PYY: variants seen among roughly 807,000 people sequenced by gnomAD.
The protein encoded by PYY is peptide tyrosine tyrosine.
A neutral mutation model predicts 10.3 loss-of-function variants in PYY; 12 were observed. That is an observed-to-expected ratio of 1.17 (90% confidence interval 0.75 to 1.89). The LOEUF (loss-of-function observed/expected upper bound fraction) is 1.89, where lower values mean the gene tolerates loss of function less well. Ranked by LOEUF, PYY falls within the 40% of genes most tolerant of loss-of-function variation. The pLI, the probability that PYY is intolerant of heterozygous loss-of-function variation, is 0.00. For synonymous variants in PYY, 66 were observed against 62.0 expected, an observed-to-expected ratio of 1.06 and a Z score of -0.30; for missense variants, 141 against 134.0, an observed-to-expected ratio of 1.05 and a Z score of -0.26.
At position 43,952,954 on chromosome 17, in the gene PYY, C is replaced by A; in HGVS notation, c.*2G>T. ...AGATCTCCCAGGAGGCCTCAGGGGT[C>A]CTCACCACAGGTCTGGGCCCTCCGA... On this transcript the variant is annotated 3_prime_UTR_variant, in exon 4 of 4. Coordinates refer to ENST00000692052, the MANE Select transcript of PYY (RefSeq NM_001394028.1). 1 of 1,548,994 alleles carries A rather than the reference C, an allele frequency of 6.5e-7. No individual in the cohort carries two copies. Among genetic ancestry groups the A allele is most frequent in the Non-Finnish European group, 8.7e-7 (1 of 1,150,210 alleles).
At chr17:43,953,030 G>A in intron 3 of PYY, 50 bp from the exon 4 acceptor site, 1 of 1,586,772 alleles carries the variant, frequency 6.3e-7, no homozygotes. Flanking sequence ...GAGCCTGGGA[G>A]ACGTCGTTAA....
intron 1 of PYY, among the ~76,000 whole-genome samples, chr17:43,973,020 G>A (rs1428224680): frequency 6.6e-6 from 1 of 151,804 alleles, no homozygotes; most frequent in East Asian, 1.9e-4. Flanking sequence ...GCCTATTTTT[G>A]TTGAGACACG....
chr17:43,967,028 C>T (rs1018154053), intron 1 of PYY, among the ~76,000 whole-genome samples: 7 of 152,216 alleles, frequency 4.6e-5, no homozygotes, highest in Admixed American at 2.6e-4. Context: ...AAAGGCCAGA[C>T]GCGGTGGCTC....
rs113707875 is a variant in PYY at position 44,003,603 on chromosome 17, C to T, written c.-463+788G>A. Among the ~76,000 whole-genome samples, 151 of 141,344 alleles carry T rather than the reference C, an allele frequency of 1.1e-3. 1 individual carries two copies. Among genetic ancestry groups the T allele is most frequent in the South Asian group, 1.8e-3 (8 of 4,538 alleles). 92.7% of individuals were successfully genotyped at this position (141,344 alleles called of 152,430 possible). On this transcript the variant is annotated intron_variant, in intron 1 of 6. Transcript: ENST00000360085. ...CCAGAAGGCGGGGATTACAGTGAGC[C>T]GAGATCGCAACACTGCACTCCAGCC...
chr17:43,953,219 A>G, intron 2 of PYY, 30 bp from the exon 3 acceptor site: 1 of 1,610,932 alleles, frequency 6.2e-7, no homozygotes, highest in Non-Finnish European at 8.5e-7. Context: ...GAGCGTGGTC[A>G]GATCTGGCCA....
At chr17:43,963,627 AG>A (rs1384109547) in intron 2 of PYY, among the ~76,000 whole-genome samples, 2 of 21,412 alleles carry the variant, frequency 9.3e-5, no homozygotes, top group South Asian at 4.9e-3. Flanking sequence ...AGAAAGAAAG[AG>A]AAAGAAAGAA....
At position 43,989,325 on chromosome 17, in the gene PYY, G is replaced by C. The variant is rs528235064; in HGVS notation, c.-463+15066C>G. Reference sequence around the variant, plus strand: ...GGAGGCAGAGCTTGCAGTGAGCTGAGATCATGCCACTGCACTCCAGCCTGG... The same window carrying C: ...GGAGGCAGAGCTTGCAGTGAGCTGACATCATGCCACTGCACTCCAGCCTGG... On this transcript the variant is annotated intron_variant, in intron 1 of 6. Coordinates refer to the PYY transcript ENST00000360085. 1.5e-4 allele frequency among the ~76,000 whole-genome samples: 22 copies of C among 151,340 alleles called. No homozygotes were observed. In the South Asian group the frequency reaches 3.7e-3, roughly 26 times the overall value.
chr17:43,965,688 T>C (rs1210840457), intron 2 of PYY, among the ~76,000 whole-genome samples: 3 of 132,850 alleles, frequency 2.3e-5, no homozygotes, highest in Admixed American at 8.4e-5. Context: ...CTTGGAAGGT[T>C]GAGACAGGAA....
At chr17:43,975,368 A>G (rs2048821481) in intron 1 of PYY, among the ~76,000 whole-genome samples, 1 of 151,908 alleles carries the variant, frequency 6.6e-6, no homozygotes, top group African/African-American at 2.4e-5. Flanking sequence ...GCCTCACTGT[A>G]AAAAGAGAAT....
chr17:43,998,356 G>A (rs12940534), intron 1 of PYY, among the ~76,000 whole-genome samples: 7,744 of 151,832 alleles, frequency 0.051, 249 homozygotes, highest in East Asian at 0.091. Flanking sequence ...TCAAGAGTTC[G>A]AGACCAGCCT....
chr17:43,964,253 T>C (rs2048739249), intron 2 of PYY, among the ~76,000 whole-genome samples: 1 of 152,198 alleles, frequency 6.6e-6, no homozygotes, highest in African/African-American at 2.4e-5. Flanking sequence ...TTTCTTGGGC[T>C]AAAGCAATCC....
chr17:43,974,741 T>C (rs2143924889), intron 1 of PYY, among the ~76,000 whole-genome samples: 1 of 152,306 alleles, frequency 6.6e-6, no homozygotes, highest in South Asian at 2.1e-4. Context: ...GGTCCTAACA[T>C]TGTATTCTAA....
intron 1 of PYY, among the ~76,000 whole-genome samples, chr17:43,978,889 C>T (rs529469329): frequency 6.6e-6 from 1 of 152,188 alleles, no homozygotes; most frequent in African/African-American, 2.4e-5. Context: ...AGGCATTGGT[C>T]GGTCTAACCC....
At chr17:43,964,743 C>T (rs1380754792) in intron 2 of PYY, among the ~76,000 whole-genome samples, 1 of 151,974 alleles carries the variant, frequency 6.6e-6, no homozygotes, top group African/African-American at 2.4e-5. Flanking sequence ...GCGGAGTTTA[C>T]GGTGGGCCGA....
chr17:43,988,628 A>G (rs1355762288), intron 1 of PYY, among the ~76,000 whole-genome samples: 1 of 152,040 alleles, frequency 6.6e-6, no homozygotes, highest in Non-Finnish European at 1.5e-5. Flanking sequence ...GCACCTTGAC[A>G]TTTTATTGTT....
At chr17:43,995,598 C>T (rs2048986057) in intron 1 of PYY, among the ~76,000 whole-genome samples, 1 of 152,132 alleles carries the variant, frequency 6.6e-6, no homozygotes, top group African/African-American at 2.4e-5. Context: ...CTTTGGGAGG[C>T]CCAGGTGGGT....
At chr17:43,973,040 T>C (rs1208764567) in intron 1 of PYY, among the ~76,000 whole-genome samples, 1 of 152,000 alleles carries the variant, frequency 6.6e-6, no homozygotes, top group Non-Finnish European at 1.5e-5. Flanking sequence ...GATCTCACTA[T>C]GTTGCCCAGG....
chr17:43,991,136 G>T (rs1369624075), intron 1 of PYY, among the ~76,000 whole-genome samples: 1 of 151,824 alleles, frequency 6.6e-6, no homozygotes, highest in Non-Finnish European at 1.5e-5. Context: ...CCTGCAATAA[G>T]ATCTCAACTG....
chr17:43,987,857 G>T lies in PYY; in HGVS notation c.-463+16534C>A, dbSNP rs1053718542. On this transcript the variant is annotated intron_variant, in intron 1 of 6. Transcript: ENST00000360085. This position sits in a 1 kb window ranked among gnomAD's most constrained non-coding sequence, Gnocchi z 4.0. ...AAATTAGCAATAGGGAGGGAGGAAG[G>T]GGGCAAGGATGGAGAACGAGTGCTT... Among the ~76,000 whole-genome samples, 1 of 152,224 alleles carries T rather than the reference G, an allele frequency of 6.6e-6. No homozygotes were observed. The highest frequency in any genetic ancestry group is 2.4e-5 in the African/African-American group (1 of 41,466).
Sources: gnomAD v4.1 joint callset for allele counts (sites outside exome capture counted in the v4.1 genomes callset) on GRCh38, gnomAD v4.1.1 for gene constraint, Gnocchi (gnomAD v3.1) non-coding constraint, MANE v1.5 for transcripts, NCBI Gene and HGNC (gene_info 2026-07-23, HGNC 2026-07-21) for gene names.